The following BARX2 variants were observed in gnomAD, a reference collection of about 807,000 sequenced individuals.
The protein encoded by BARX2 is BARX homeobox 2.
Under a neutral mutation model 25.5 loss-of-function variants are expected in BARX2, and 11 were observed. The observed-to-expected ratio is 0.43, with a 90% CI of 0.27 to 0.71. BARX2 has a LOEUF of 0.71. BARX2 is among the 30% of genes least tolerant of loss of function. BARX2 has a pLI of 0.19. For synonymous variants in BARX2, 137 were observed against 149.5 expected, an observed-to-expected ratio of 0.92 and a Z score of 0.61; for missense variants, 360 against 359.9, an observed-to-expected ratio of 1.00 and a Z score of 0.00.
intron 1 of BARX2, among the ~76,000 whole-genome samples, chr11:129,413,497 G>A (rs1360678491): frequency 6.6e-6 from 1 of 152,146 alleles, no homozygotes; most frequent in Non-Finnish European, 1.5e-5. Context: ...ATTTGTCAGG[G>A]GTCTTGACTA....
intron 1 of BARX2, among the ~76,000 whole-genome samples, chr11:129,380,427 G>A (rs905113980): frequency 6.6e-6 from 1 of 152,094 alleles, no homozygotes; most frequent in Non-Finnish European, 1.5e-5. Context: ...GAGTTAGGGA[G>A]CTGGCTAGTG....
At position 129,451,473 on chromosome 11, in the gene BARX2, G is replaced by A; in HGVS notation, c.*71G>A. On this transcript the variant is annotated 3_prime_UTR_variant, in exon 4 of 4. Transcript: ENST00000281437. ...AGAGAGAAGGCAGGGAGAGTAGGGA[G>A]AGAAAACCTTCCAGCAGCCCAGTAA... 6.5e-7 allele frequency: 1 copy of A among 1,535,452 alleles called. No homozygotes were observed. The highest frequency in any genetic ancestry group is 1.2e-5 in the South Asian group (1 of 80,358).
At position 129,440,636 on chromosome 11, in the gene BARX2, C is replaced by CTGA. The variant is rs1348968509; in HGVS notation, c.489-2197_489-2195dup. ...AGGGATGACCAGAGGGATGTGAGTA[C>CTGA]TGATTTAAGACCACTTCCAGGGTCC... On this transcript the variant is annotated intron_variant, in intron 2 of 3. Coordinates refer to ENST00000281437, the MANE Select transcript of BARX2 (RefSeq NM_003658.5). 2.0e-5 allele frequency among the ~76,000 whole-genome samples: 3 copies of CTGA among 152,320 alleles called. No homozygotes were observed. The East Asian group carries it at 5.8e-4, about 29-fold the overall frequency.
intron 1 of BARX2, among the ~76,000 whole-genome samples, chr11:129,378,126 C>G (rs1311796075): frequency 6.6e-6 from 1 of 152,156 alleles, no homozygotes. Flanking sequence ...ACTGATGGTT[C>G]GTGGTAGAGG....
chr11:129,395,383 G>A (rs1014289465), intron 1 of BARX2, among the ~76,000 whole-genome samples: 6 of 152,146 alleles, frequency 3.9e-5, no homozygotes, highest in Non-Finnish European at 7.3e-5. Flanking sequence ...ACAAATAATG[G>A]CACAGGCCTC....
chr11:129,378,213 G>A (rs183668554), intron 1 of BARX2, among the ~76,000 whole-genome samples: 32 of 152,172 alleles, frequency 2.1e-4, no homozygotes, highest in South Asian at 1.9e-3. Flanking sequence ...AAAATGTGTC[G>A]TTATTTTGCT....
Position 129,436,790 on chromosome 11 carries a change from T to C in BARX2, c.227T>C (p.Ile76Thr). ...SLRAYPLLSVITRQPTVISHL... is the reference protein window; with the variant it reads ...SLRAYPLLSVTTRQPTVISHL... ...CGGGCATATCCGCTCCTCTCGGTGA[T>C]CACCCGCCAGCCCACTGTCATCTCC... The change falls in exon 2 of 4, where the codon ATC (isoleucine) becomes ACC (threonine). Residue 76 changes from isoleucine (I) to threonine (T), a missense_variant. By Grantham distance (89) the Ile-to-Thr change is moderately conservative. Transcript: ENST00000281437. This position sits in a 1 kb window ranked among gnomAD's most constrained non-coding sequence, Gnocchi z 4.5. The C allele has an allele frequency of 6.2e-7, 1 of 1,609,162 alleles. No individual in the cohort carries two copies. The highest frequency in any genetic ancestry group is 1.1e-5 in the South Asian group (1 of 90,658).
Position 129,437,160 on chromosome 11 carries a change from T to C in BARX2, c.488+109T>C. The C allele has an allele frequency of 4.1e-6, 5 of 1,219,310 alleles. No homozygotes were observed. The South Asian group carries it at 6.0e-5, about 15-fold the overall frequency. 75.5% of individuals were successfully genotyped at this position (1,219,310 alleles called of 1,614,324 possible). A position where few individuals can be genotyped will look rare whatever the true frequency, so the allele number is the denominator to read the frequency against. ...GCACTGGTACAGTGAGGCAGGACAC[T>C]ATGGCGGAGTCCACTCCTTGGCTCA... On this transcript the variant is annotated intron_variant, in intron 2 of 3. Transcript: ENST00000281437.
At chr11:129,406,460 T>C (rs923458524) in intron 1 of BARX2, among the ~76,000 whole-genome samples, 3 of 152,234 alleles carry the variant, frequency 2.0e-5, no homozygotes, top group African/African-American at 7.2e-5. Flanking sequence ...TATGTAGAGA[T>C]ACAAGGTGAA....
intron 1 of BARX2, among the ~76,000 whole-genome samples, chr11:129,433,385 C>A (rs1019036660): frequency 6.6e-6 from 1 of 152,206 alleles, no homozygotes; most frequent in Non-Finnish European, 1.5e-5. Context: ...GCAGTCCAAC[C>A]TCCTTAGGGA....
chr11:129,406,742 T>C (rs1861834458), intron 1 of BARX2, among the ~76,000 whole-genome samples: 1 of 152,232 alleles, frequency 6.6e-6, no homozygotes, highest in South Asian at 2.1e-4. Flanking sequence ...TGAGCCTGCA[T>C]GTCATGGCAA....
At chr11:129,410,863 G>C (rs1176668544) in intron 1 of BARX2, among the ~76,000 whole-genome samples, 2 of 152,166 alleles carry the variant, frequency 1.3e-5, no homozygotes, top group African/African-American at 4.8e-5. Flanking sequence ...GCCTGACTCT[G>C]CCTGGTCCAG....
chr11:129,426,289 C>T (rs552401178), intron 1 of BARX2, among the ~76,000 whole-genome samples: 20 of 152,222 alleles, frequency 1.3e-4, no homozygotes, highest in African/African-American at 4.8e-4. Context: ...CATCTGGTGA[C>T]CACCAACACT....
chr11:129,424,024 A>G (rs948296331), intron 1 of BARX2, among the ~76,000 whole-genome samples: 5 of 152,034 alleles, frequency 3.3e-5, no homozygotes, highest in African/African-American at 9.7e-5. Flanking sequence ...TAATGTTTGT[A>G]TTTTTAATAG....
chr11:129,438,453 T>C (rs1333689720), intron 2 of BARX2: 2 of 152,270 alleles, frequency 1.3e-5, no homozygotes, highest in African/African-American at 4.8e-5. Context: ...CTTCTTCCTC[T>C]TCTTTTGCCT....
intron 1 of BARX2, among the ~76,000 whole-genome samples, chr11:129,401,254 T>C (rs12578073): frequency 0.038 from 5,790 of 152,100 alleles, 142 homozygotes; most frequent in East Asian, 0.1. Context: ...AGAGAGAAAT[T>C]GTTAGAGATG....
At chr11:129,427,120 T>C in intron 1 of BARX2, among the ~76,000 whole-genome samples, 1 of 152,206 alleles carries the variant, frequency 6.6e-6, no homozygotes, top group East Asian at 1.9e-4. Flanking sequence ...TCACTGAGCA[T>C]TATGAAACTA....
chr11:129,446,304 C>A (rs892284318), intron 3 of BARX2, among the ~76,000 whole-genome samples: 11 of 152,168 alleles, frequency 7.2e-5, no homozygotes, highest in Admixed American at 7.2e-4. Context: ...GCGTGGGCCC[C>A]ACACTATTCA....
intron 1 of BARX2, among the ~76,000 whole-genome samples, chr11:129,389,582 C>T (rs1861647198): frequency 6.6e-6 from 1 of 151,444 alleles, no homozygotes; most frequent in Non-Finnish European, 1.5e-5. Flanking sequence ...CAAGAGTTTC[C>T]TAGGATTCAT....
Sources: allele counts gnomAD v4.1 joint callset (sites outside exome capture counted in the v4.1 genomes callset), GRCh38; gene constraint gnomAD v4.1.1; non-coding constraint Gnocchi (gnomAD v3.1); transcripts MANE v1.5; gene names NCBI Gene and HGNC (gene_info 2026-07-23, HGNC 2026-07-21).